SLC9A2: variants seen among roughly 807,000 people sequenced by gnomAD.
SLC9A2 encodes solute carrier family 9 member A2.
Under a neutral mutation model 71.7 loss-of-function variants are expected in SLC9A2, and 42 were observed. The ratio of observed to expected loss-of-function variants is 0.59; its 90% confidence interval spans 0.46 to 0.76. The LOEUF (loss-of-function observed/expected upper bound fraction) is 0.76. Among genes scored for constraint, SLC9A2 ranks in the 30% least tolerant of loss-of-function variants. The pLI, the probability that SLC9A2 is intolerant of heterozygous loss-of-function variation, is 0.00. For synonymous variants in SLC9A2, 396 were observed against 392.5 expected (o/e 1.01, Z -0.10); for missense variants, 829 against 1,017.4 (o/e 0.81, Z 2.52).
chr2:102,666,795 T>C (rs532059750), intron 3 of SLC9A2, among the ~76,000 whole-genome samples: 5 of 152,260 alleles, frequency 3.3e-5, no homozygotes, highest in African/African-American at 1.2e-4. Flanking sequence ...TACTTAGTAA[T>C]GGAATGCTTT....
intron 3 of SLC9A2, among the ~76,000 whole-genome samples, chr2:102,679,959 C>G (rs534713456): frequency 1.3e-5 from 2 of 152,132 alleles, no homozygotes; most frequent in African/African-American, 2.4e-5. Flanking sequence ...CTATAGATGA[C>G]ATTTTGTTTT....
chr2:102,705,809 T>A, intron 10 of SLC9A2, 37 bp from the exon 11 acceptor site: 1 of 1,265,006 alleles, frequency 7.9e-7, no homozygotes, highest in Non-Finnish European at 1.1e-6. Context: ...AAGTGCCATT[T>A]GTATAGTTTA....
intron 3 of SLC9A2, among the ~76,000 whole-genome samples, chr2:102,681,357 C>A (rs1677449843): frequency 6.6e-6 from 1 of 151,806 alleles, no homozygotes; most frequent in Non-Finnish European, 1.5e-5. Context: ...CAGGTGTGAG[C>A]CACCATGCCC....
chr2:102,626,967 G>A (rs974287984), intron 1 of SLC9A2, among the ~76,000 whole-genome samples: 12 of 152,106 alleles, frequency 7.9e-5, no homozygotes, highest in Non-Finnish European at 1.8e-4. Context: ...TCCCTAAGAA[G>A]TATACAATGA....
intron 1 of SLC9A2, among the ~76,000 whole-genome samples, chr2:102,638,804 T>C (rs1359022192): frequency 6.6e-6 from 1 of 152,180 alleles, no homozygotes. Flanking sequence ...AGAAAACATA[T>C]CTGTGAGTAA....
intron 7 of SLC9A2, among the ~76,000 whole-genome samples, chr2:102,699,417 C>G (rs1483163766): frequency 6.6e-6 from 1 of 152,120 alleles, no homozygotes; most frequent in African/African-American, 2.4e-5. Context: ...TGTACTTGTA[C>G]CCAAGGAAGA....
In SLC9A2 at chr2:102,666,047, T is replaced by A. The variant is rs1677131409; in HGVS notation, c.1004+697T>A. ...ACAAAGTTGCATCCCAAGCTGCTCT[T>A]GGAGTTCTGGAATGGCTTATGGATA... is the stretch of plus-strand genomic sequence containing the variant. On this transcript the variant is annotated intron_variant, in intron 3 of 11. Coordinates refer to ENST00000233969, the MANE Select transcript of SLC9A2 (RefSeq NM_003048.6). Among the ~76,000 whole-genome samples, 4 of 152,076 alleles carry A rather than the reference T, an allele frequency of 2.6e-5. No individual in the cohort carries two copies. In the South Asian group the frequency reaches 8.3e-4, roughly 32 times the overall value.
chr2:102,696,719 G>A (rs1677775575), intron 7 of SLC9A2, among the ~76,000 whole-genome samples: 1 of 152,152 alleles, frequency 6.6e-6, no homozygotes. Flanking sequence ...TGTAGACAGG[G>A]CCCTGGGACT....
At chr2:102,678,943 A>G (rs543361077) in intron 3 of SLC9A2, among the ~76,000 whole-genome samples, 62 of 152,230 alleles carry the variant, frequency 4.1e-4, no homozygotes, top group African/African-American at 1.4e-3. Context: ...TTTACTTCTG[A>G]TATTTTTGAA....
At chr2:102,653,702 GTC>G (rs1246693579) in intron 1 of SLC9A2, among the ~76,000 whole-genome samples, 1 of 152,190 alleles carries the variant, frequency 6.6e-6, no homozygotes, top group African/African-American at 2.4e-5. Flanking sequence ...GAAAGCATGG[GTC>G]TCTGAGGCTG....
intron 1 of SLC9A2, among the ~76,000 whole-genome samples, chr2:102,656,373 C>G (rs1676943768): frequency 6.6e-6 from 1 of 152,160 alleles, no homozygotes; most frequent in African/African-American, 2.4e-5. Context: ...TGTTTAATGC[C>G]TATCTTTTAA....
In SLC9A2 at chr2:102,619,580, C is replaced by T. The variant is rs949584151; in HGVS notation, c.-269C>T. The T allele has an allele frequency of 5.9e-5, 18 of 303,180 alleles. No homozygotes were observed. Among genetic ancestry groups the T allele is most frequent in the South Asian group, 3.0e-4 (2 of 6,568 alleles). The allele number at this position is 303,180 out of a possible 1,614,324, so 18.8% of individuals were successfully genotyped here. ...AGAGCAGCGCACCGGCATGGGCAGG[C>T]GGCCGGCGGCGGAGGGCGGCTGAGG... On this transcript the variant is annotated 5_prime_UTR_variant, in exon 1 of 12. Transcript: ENST00000233969. This position sits in a 1 kb window ranked among gnomAD's most constrained non-coding sequence, Gnocchi z 4.3.
chr2:102,620,215 T>A (rs1268944162), intron 1 of SLC9A2, 78 bp downstream of exon 1: 23 of 1,327,656 alleles, frequency 1.7e-5, no homozygotes, highest in Non-Finnish European at 2.4e-5. Context: ...GTCAGCCAGC[T>A]GACCTCTAGA....
rs1164447116 is a variant in SLC9A2, at chr2:102,694,471, C to A, written c.1483C>A (p.Gln495Lys). The change falls in exon 6 of 12, where the codon CAA becomes AAA. Residue 495 changes from glutamine to lysine, a missense_variant. Gln to Lys is a moderately conservative substitution (Grantham distance 53). Coordinates refer to ENST00000233969, the MANE Select transcript of SLC9A2 (RefSeq NM_003048.6). ...FLDVKRSNKK[Q>K]QAVSEEIYCR... ...TGATGTCAAGAGGTCCAATAAGAAA[C>A]AACAAGCTGTCAGTGAAGAAATCTA... The A allele has an allele frequency of 1.9e-6, 3 of 1,542,086 alleles. No homozygotes were observed. The highest frequency in any genetic ancestry group is 1.8e-6 in the Non-Finnish European group (2 of 1,133,598).
At chr2:102,659,484 A>G (rs1416326573) in intron 2 of SLC9A2, among the ~76,000 whole-genome samples, 1 of 152,026 alleles carries the variant, frequency 6.6e-6, no homozygotes, top group East Asian at 1.9e-4. Flanking sequence ...ATAGAAACCG[A>G]TTTATTCTCT....
At chr2:102,626,458 C>A (rs377648943) in intron 1 of SLC9A2, among the ~76,000 whole-genome samples, 74 of 152,100 alleles carry the variant, frequency 4.9e-4, no homozygotes, top group African/African-American at 1.5e-3. Context: ...AGACCTAAAA[C>A]CATAAAAACC....
rs568581358 is a variant in SLC9A2, at chr2:102,620,434, G to A, written c.289+297G>A. Among the ~76,000 whole-genome samples the A allele has an allele frequency of 1.1e-4, 16 of 152,340 alleles. 1 individual carries two copies. Among genetic ancestry groups the A allele is most frequent in the Admixed American group, 6.5e-4 (10 of 15,304 alleles). On this transcript the variant is annotated intron_variant, in intron 1 of 11. Transcript: ENST00000233969. ...CCAAGTTTGTCAGCTCTCTGCTTAA[G>A]TTGAGTGAGATCTGTTTATTGAAGT...
chr2:102,664,002 G>A (rs976110805), intron 2 of SLC9A2, among the ~76,000 whole-genome samples: 6 of 152,156 alleles, frequency 3.9e-5, no homozygotes, highest in African/African-American at 7.2e-5. Flanking sequence ...CAGGCTGGGC[G>A]TGGTGGCTCA....
At position 102,620,039 on chromosome 2, in the gene SLC9A2, A is replaced by T. The variant is rs368226194; in HGVS notation, c.191A>T (p.Glu64Val). ...SVVAPGTTLFEESRLPVFTLD... is the reference protein window; with the variant it reads ...SVVAPGTTLFVESRLPVFTLD... ...GTGGCTCCCGGAACGACGCTGTTCG[A>T]GGAGAGCCGGCTGCCTGTGTTTACG... Residue 64 changes from glutamate to valine, a missense_variant, in exon 1 of 12, where the codon GAG (glutamate) becomes GTG (valine). Transcript: ENST00000233969. 78 of 1,613,926 alleles carry T rather than the reference A, an allele frequency of 4.8e-5. No individual in the cohort carries two copies. The highest frequency in any genetic ancestry group is 6.6e-5 in the Non-Finnish European group (78 of 1,179,998).
Sources: gnomAD v4.1 joint callset for allele counts (sites outside exome capture counted in the v4.1 genomes callset) on GRCh38, gnomAD v4.1.1 for gene constraint, Gnocchi (gnomAD v3.1) non-coding constraint, MANE v1.5 for transcripts, NCBI Gene and HGNC (gene_info 2026-07-23, HGNC 2026-07-21) for gene names.